IPCEF1: variants seen among roughly 807,000 people sequenced by gnomAD.
IPCEF1 encodes the protein interaction protein for cytohesin exchange factors 1.
In IPCEF1, 31 loss-of-function variants were observed where a neutral mutation model predicts 50.9. The ratio of observed to expected loss-of-function variants is 0.61; its 90% CI spans 0.46 to 0.82. The LOEUF (loss-of-function observed/expected upper bound fraction) is 0.82. IPCEF1 is among the 40% of genes least tolerant of loss of function. The probability of loss-of-function intolerance (pLI) is 0.00; values close to 1 mark genes in which losing one functional copy is unlikely to be tolerated. For synonymous variants in IPCEF1, 181 were observed against 192.0 expected, an observed-to-expected ratio of 0.94 and a Z score of 0.47; for missense variants, 458 against 514.0, an observed-to-expected ratio of 0.89 and a Z score of 1.05.
Position 154,265,927 on chromosome 6 carries a change from A to T in IPCEF1, c.21T>A (p.Ile7=), listed in dbSNP as rs1412317702. 5.0e-6 allele frequency: 8 copies of T among 1,603,314 alleles called. No homozygotes were observed. The highest frequency in any genetic ancestry group is 6.8e-6 in the Non-Finnish European group (8 of 1,174,352). The change falls in exon 3 of 12, where the codon ATT becomes ATA. Residue 7 remains isoleucine, a synonymous_variant. Coordinates refer to ENST00000367220, the MANE Select transcript of IPCEF1 (RefSeq NM_001130700.2). ...GGATACTTACAAGAGCACTGCCATCAATAGCCATGTATGATGTCATCTTAG... is the reference window on the plus strand; with the variant it reads ...GGATACTTACAAGAGCACTGCCATCTATAGCCATGTATGATGTCATCTTAG... MTSYMA[I]DGSALQVPLR... is the part of the protein sequence containing the mutation.
At chr6:154,163,509 C>T (rs75379861) in intron 11 of IPCEF1, among the ~76,000 whole-genome samples, 130 of 152,206 alleles carry the variant, frequency 8.5e-4, no homozygotes, top group African/African-American at 3.0e-3. Context: ...TCATATTATA[C>T]ATTTAATAGT....
intron 5 of IPCEF1, among the ~76,000 whole-genome samples, chr6:154,230,969 A>G (rs1258110369): frequency 1.3e-5 from 2 of 152,226 alleles, no homozygotes; most frequent in African/African-American, 2.4e-5. Context: ...AGCAAATTTA[A>G]TGAGGTTACC....
At chr6:154,303,086 A>T (rs1245237220) in intron 1 of IPCEF1, among the ~76,000 whole-genome samples, 1 of 139,334 alleles carries the variant, frequency 7.2e-6, no homozygotes, top group Non-Finnish European at 1.5e-5. Context: ...TATAGCTATG[A>T]TAGCACTTTT....
chr6:154,233,260 A>G (rs891169799), intron 5 of IPCEF1, among the ~76,000 whole-genome samples: 4 of 152,218 alleles, frequency 2.6e-5, no homozygotes, highest in African/African-American at 9.6e-5. Context: ...GACTGAGTGC[A>G]TTGTAAGCTG....
chr6:154,332,403 A>G (rs543951115), intron 1 of IPCEF1, among the ~76,000 whole-genome samples: 1 of 151,572 alleles, frequency 6.6e-6, no homozygotes, highest in East Asian at 1.9e-4. Flanking sequence ...GCCCATGTTG[A>G]TAACTTTTTA....
chr6:154,246,989 T>G lies in IPCEF1; in HGVS notation c.77-229A>C, dbSNP rs575257501. The G allele has an allele frequency of 1.2e-4, 59 of 498,002 alleles. No homozygotes were observed. The Middle Eastern group carries it at 3.9e-3, about 33-fold the overall frequency. The allele number at this position is 498,002 out of a possible 1,614,324, so 30.8% of individuals were successfully genotyped here. A position where few individuals can be genotyped will look rare whatever the true frequency, so the allele number is the denominator to read the frequency against. ...GTTTTATTTTTAAACATTTGTTTCA[T>G]GCTTAGAAGGTATAAGATACGGCCA... On this transcript the variant is annotated intron_variant, in intron 4 of 11. Transcript: ENST00000367220.
intron 1 of IPCEF1, among the ~76,000 whole-genome samples, chr6:154,298,962 C>CAAA (rs35478569): frequency 1.1e-5 from 1 of 94,382 alleles, no homozygotes; most frequent in African/African-American, 3.6e-5. Context: ...AACTCCATCT[C>CAAA]AAAAAAAAAA....
At chr6:154,320,800 G>A (rs926623941) in intron 1 of IPCEF1, among the ~76,000 whole-genome samples, 1 of 151,904 alleles carries the variant, frequency 6.6e-6, no homozygotes, top group Admixed American at 6.6e-5. Flanking sequence ...TGAGCCCAGG[G>A]GCTCTAGATC....
chr6:154,262,926 G>A (rs188921461), intron 3 of IPCEF1, among the ~76,000 whole-genome samples: 27 of 151,794 alleles, frequency 1.8e-4, no homozygotes, highest in African/African-American at 4.1e-4. Flanking sequence ...ACAGGTATGC[G>A]CCACCATGCC....
At chr6:154,256,211 T>C (rs1270011147) in intron 3 of IPCEF1, among the ~76,000 whole-genome samples, 1 of 152,164 alleles carries the variant, frequency 6.6e-6, no homozygotes, top group Non-Finnish European at 1.5e-5. Flanking sequence ...GGTTTACACA[T>C]GGCCATTTTC....
At chr6:154,237,840 A>G (rs895971423) in intron 5 of IPCEF1, among the ~76,000 whole-genome samples, 3 of 151,066 alleles carry the variant, frequency 2.0e-5, no homozygotes, top group Non-Finnish European at 4.4e-5. Context: ...ATATGTTAAT[A>G]TTTATACACA....
chr6:154,234,976 G>A (rs973304990), intron 5 of IPCEF1, among the ~76,000 whole-genome samples: 10 of 152,108 alleles, frequency 6.6e-5, no homozygotes, highest in African/African-American at 9.7e-5. Flanking sequence ...AACCCCAAAT[G>A]TGCTACTGTT....
intron 5 of IPCEF1, among the ~76,000 whole-genome samples, chr6:154,245,666 A>G (rs1289590631): frequency 6.6e-6 from 1 of 152,214 alleles, no homozygotes; most frequent in Non-Finnish European, 1.5e-5. Context: ...GCTTATAAGC[A>G]ACTCCTAAGT....
intron 3 of IPCEF1, among the ~76,000 whole-genome samples, chr6:154,261,723 C>T (rs1440262231): frequency 6.6e-6 from 1 of 152,100 alleles, no homozygotes; most frequent in Non-Finnish European, 1.5e-5. Context: ...GTTGTGAATT[C>T]TGAGCATTTT....
chr6:154,283,175 A>G (rs778349294), intron 2 of IPCEF1, among the ~76,000 whole-genome samples: 3 of 151,358 alleles, frequency 2.0e-5, no homozygotes, highest in Non-Finnish European at 4.4e-5. Flanking sequence ...GCAGGCCTAT[A>G]ATCCTACTCA....
chr6:154,222,500 A>T (rs1202696969), intron 6 of IPCEF1, among the ~76,000 whole-genome samples: 2 of 152,278 alleles, frequency 1.3e-5, no homozygotes, highest in African/African-American at 4.8e-5. Context: ...ATGGACACAT[A>T]CGCAAAATAT....
intron 1 of IPCEF1, among the ~76,000 whole-genome samples, chr6:154,352,663 C>A (rs1784138012): frequency 6.6e-6 from 1 of 152,192 alleles, no homozygotes; most frequent in African/African-American, 2.4e-5. Flanking sequence ...AGATTCTTTT[C>A]AATGCCTACA....
intron 1 of IPCEF1, among the ~76,000 whole-genome samples, chr6:154,334,794 G>C (rs1172184655): frequency 6.6e-6 from 1 of 151,646 alleles, no homozygotes; most frequent in Non-Finnish European, 1.5e-5. Context: ...TCCACATATA[G>C]ACAACTCAGT....
At chr6:154,341,054 T>G (rs925633835) in intron 1 of IPCEF1, among the ~76,000 whole-genome samples, 1 of 152,092 alleles carries the variant, frequency 6.6e-6, no homozygotes, top group Non-Finnish European at 1.5e-5. Context: ...AGGCTCAAAG[T>G]GGAGAGGGGG....
Sources: allele counts gnomAD v4.1 joint callset (sites outside exome capture counted in the v4.1 genomes callset), GRCh38; gene constraint gnomAD v4.1.1; transcripts MANE v1.5; gene names NCBI Gene and HGNC (gene_info 2026-07-23, HGNC 2026-07-21).